CDH13: variants seen among roughly 807,000 people sequenced by gnomAD.
CDH13 encodes cadherin-13.
In CDH13, 24 loss-of-function variants were observed where a neutral mutation model predicts 63.8. That is an observed-to-expected ratio of 0.38 (90% CI 0.27 to 0.53). CDH13 has a LOEUF of 0.53. CDH13 is among the 20% of genes least tolerant of loss of function. CDH13 has a pLI of 0.85. For synonymous variants in CDH13, 503 were observed against 355.3 expected, an observed-to-expected ratio of 1.42 and a Z score of -4.67; for missense variants, 1,049 against 903.1, an observed-to-expected ratio of 1.16 and a Z score of -2.07.
At position 83,047,496 on chromosome 16, in the gene CDH13, G is replaced by A. The variant is rs60179004; in HGVS notation, c.366+15278G>A. On this transcript the variant is annotated intron_variant, in intron 3 of 13. Coordinates refer to ENST00000567109, the MANE Select transcript of CDH13 (RefSeq NM_001257.5). The surrounding 1 kb of genome is among the most constrained non-coding windows in gnomAD (Gnocchi z 4.9). The stretch of plus-strand genomic sequence containing the variant: ...TTTCCTCTTTCCCTCAGGCCTTTGC[G>A]TAATATTTTCTCTGCATGGAAGGGG... Among the ~76,000 whole-genome samples the A allele has an allele frequency of 0.14, 21,453 of 151,930 alleles. 3,935 individuals are homozygous for A. The highest frequency in any genetic ancestry group is 0.43 in the African/African-American group (17,745 of 41,358).
chr16:83,387,541 A>G (rs1313825045), intron 6 of CDH13, among the ~76,000 whole-genome samples: 1 of 152,188 alleles, frequency 6.6e-6, no homozygotes, highest in Non-Finnish European at 1.5e-5. Context: ...AACTGAACAA[A>G]CCTCCTCCCT....
chr16:82,634,405 G>A (rs908691483), intron 1 of CDH13, among the ~76,000 whole-genome samples: 27 of 152,344 alleles, frequency 1.8e-4, no homozygotes, highest in African/African-American at 6.3e-4. Context: ...TGTAGGGCCT[G>A]CGGAAAGTTG....
At chr16:82,889,253 T>C (rs1281499139) in intron 2 of CDH13, among the ~76,000 whole-genome samples, 1 of 152,202 alleles carries the variant, frequency 6.6e-6, no homozygotes, top group Non-Finnish European at 1.5e-5. Context: ...TGAAGTTAAC[T>C]GTAGCACTCT....
intron 6 of CDH13, among the ~76,000 whole-genome samples, chr16:83,460,039 T>G (rs890409324): frequency 1.3e-5 from 2 of 152,116 alleles, no homozygotes; most frequent in African/African-American, 4.8e-5. Context: ...CAAGATTATA[T>G]AAAGAACTTC....
chr16:82,986,547 G>C (rs989231079), intron 2 of CDH13, among the ~76,000 whole-genome samples: 2 of 152,174 alleles, frequency 1.3e-5, no homozygotes, highest in Non-Finnish European at 2.9e-5. Flanking sequence ...GTGTTATCTG[G>C]AATGTGGCTG....
chr16:83,713,509 CAAA>C (rs368960124), intron 10 of CDH13, among the ~76,000 whole-genome samples: 1 of 141,022 alleles, frequency 7.1e-6, no homozygotes. Context: ...TTCTCGTCAC[CAAA>C]AAAAAAAAAA....
intron 2 of CDH13, among the ~76,000 whole-genome samples, chr16:82,937,566 C>G (rs1410728077): frequency 6.6e-6 from 1 of 152,182 alleles, no homozygotes; most frequent in Non-Finnish European, 1.5e-5. Context: ...AGCAGACACA[C>G]AAAATTTGTG....
chr16:82,869,287 C>T (rs12102684), intron 2 of CDH13, among the ~76,000 whole-genome samples: 8,707 of 152,032 alleles, frequency 0.057, 274 homozygotes, highest in Middle Eastern at 0.13. Flanking sequence ...CTCAAACGAT[C>T]GTCCTGATTC....
chr16:83,067,239 A>T lies in CDH13; in HGVS notation c.366+35021A>T, dbSNP rs185137848. Among the ~76,000 whole-genome samples, 132 of 152,288 alleles carry T rather than the reference A, an allele frequency of 8.7e-4. 1 individual carries two copies. Among genetic ancestry groups the T allele is most frequent in the Non-Finnish European group, 1.4e-3 (94 of 68,024 alleles). On this transcript the variant is annotated intron_variant, in intron 3 of 13. Transcript: ENST00000567109. ...AGGCAACTGACTGTATCTCTGAGTA[A>T]TGTTGATAAGTATTGTGTTGTGGAG... is the stretch of plus-strand genomic sequence containing the variant.
At chr16:82,627,217 C>A in intron 1 of CDH13, 80 bp downstream of exon 1, 1 of 1,271,770 alleles carries the variant, frequency 7.9e-7, no homozygotes, top group South Asian at 1.3e-5. Flanking sequence ...GGTGAGGGGG[C>A]TTTCGGGGGG....
chr16:82,677,089 G>T (rs1209705498), intron 1 of CDH13, among the ~76,000 whole-genome samples: 1 of 152,128 alleles, frequency 6.6e-6, no homozygotes, highest in East Asian at 1.9e-4. Context: ...TCGCCATGTT[G>T]GCCAGGATGA....
chr16:82,883,098 T>C (rs1159707423), intron 2 of CDH13, among the ~76,000 whole-genome samples: 3 of 152,150 alleles, frequency 2.0e-5, no homozygotes, highest in African/African-American at 7.2e-5. Flanking sequence ...CACCTGAGGC[T>C]GTGACAATGG....
intron 7 of CDH13, among the ~76,000 whole-genome samples, chr16:83,527,027 G>T (rs2074977538): frequency 1.3e-5 from 2 of 152,074 alleles, no homozygotes; most frequent in Admixed American, 6.5e-5. Context: ...AGCTATTTAG[G>T]AGGCTGAGGC....
At chr16:83,487,471 C>T (rs1304600655) in intron 7 of CDH13, among the ~76,000 whole-genome samples, 1 of 152,150 alleles carries the variant, frequency 6.6e-6, no homozygotes, top group Non-Finnish European at 1.5e-5. Flanking sequence ...GCTCCCACCT[C>T]GATTACGTTT....
At chr16:83,774,322 C>T (rs1273600788) in intron 11 of CDH13, among the ~76,000 whole-genome samples, 2 of 152,074 alleles carry the variant, frequency 1.3e-5, no homozygotes, top group Non-Finnish European at 2.9e-5. Context: ...AAAATAGGAA[C>T]AGGAAGCTAA....
intron 5 of CDH13, among the ~76,000 whole-genome samples, chr16:83,254,949 C>CTCTT (rs11269178): frequency 7.4e-3 from 50 of 6,726 alleles, no homozygotes; most frequent in African/African-American, 8.2e-3. Flanking sequence ...TTTTCTTTTT[C>CTCTT]TCTTTCTTTC....
At chr16:83,709,017 C>G (rs186980318) in intron 10 of CDH13, among the ~76,000 whole-genome samples, 244 of 152,094 alleles carry the variant, frequency 1.6e-3, no homozygotes, top group Non-Finnish European at 2.6e-3. Context: ...GAGCGAGACC[C>G]TGTCTCAAAA....
intron 2 of CDH13, among the ~76,000 whole-genome samples, chr16:82,939,518 A>G (rs879686225): frequency 2.0e-5 from 3 of 152,142 alleles, no homozygotes; most frequent in African/African-American, 4.8e-5. Flanking sequence ...TGACAGAACA[A>G]TGAATAATTA....
At chr16:83,568,713 T>G (rs1042463430) in intron 7 of CDH13, among the ~76,000 whole-genome samples, 10 of 152,172 alleles carry the variant, frequency 6.6e-5, no homozygotes, top group African/African-American at 2.4e-4. Flanking sequence ...ATCTGCAACG[T>G]CTGTAACAGT....
Sources: allele counts gnomAD v4.1 joint callset (sites outside exome capture counted in the v4.1 genomes callset), GRCh38; gene constraint gnomAD v4.1.1; non-coding constraint Gnocchi (gnomAD v3.1); transcripts MANE v1.5; gene names NCBI Gene and HGNC (gene_info 2026-07-23, HGNC 2026-07-21).